Variants in SYNM observed in about 807,000 individuals in gnomAD.
The protein encoded by SYNM is desmuslin.
A neutral mutation model predicts 104.0 loss-of-function variants in SYNM; 95 were observed. The observed-to-expected ratio is 0.91, with a 90% CI of 0.77 to 1.08. The LOEUF is 1.08. Among genes scored for constraint, SYNM ranks in the 50% least tolerant of loss-of-function variants. The pLI, the probability that SYNM is intolerant of heterozygous loss-of-function variation, is 0.00. For synonymous variants in SYNM, 918 were observed against 869.0 expected (o/e 1.06, Z -0.99); for missense variants, 2,150 against 2,052.2 (o/e 1.05, Z -0.92).
chr15:99,125,064 T>G (rs1410993827), intron 2 of SYNM, among the ~76,000 whole-genome samples: 1 of 152,178 alleles, frequency 6.6e-6, no homozygotes, highest in Non-Finnish European at 1.5e-5. Context: ...GGAAGACGTA[T>G]TTTTCCCTGG....
At position 99,130,980 on chromosome 15, in the gene SYNM, C is replaced by T. The variant is rs1567284042; in HGVS notation, c.2620C>T (p.Arg874Ter). ...GCAGGATGAAATCGTGCAGGGGACTCGAAGGAGGACACAGAAGGACGGTGC... is the reference window on the plus strand; with the variant it reads ...GCAGGATGAAATCGTGCAGGGGACTTGAAGGAGGACACAGAAGGACGGTGC... ...SWQDEIVQGT[R>*]RRTQKDGAVG... The change falls in exon 4 of 4, where the codon CGA (arginine) becomes TGA (stop). Residue 874 changes from arginine to a stop codon, truncating the protein, a stop_gained. Coordinates refer to ENST00000336292, the MANE Select transcript of SYNM (RefSeq NM_145728.3). LOFTEE classifies it high-confidence loss of function. 3.7e-6 allele frequency: 6 copies of T among 1,613,538 alleles called. No individual in the cohort carries two copies. Among genetic ancestry groups the T allele is most frequent in the Admixed American group, 1.7e-5 (1 of 59,962 alleles).
intron 1 of SYNM, among the ~76,000 whole-genome samples, chr15:99,111,735 T>A (rs2067301449): frequency 6.8e-6 from 1 of 147,252 alleles, no homozygotes; most frequent in African/African-American, 2.6e-5. Context: ...TATTGGCTGA[T>A]CATGCATTTT....
At position 99,113,728 on chromosome 15, in the gene SYNM, T is replaced by A. The variant is rs782803327; in HGVS notation, c.935+13T>A. 9.9e-6 allele frequency: 16 copies of A among 1,613,154 alleles called. No individual in the cohort carries two copies. The African/African-American group carries it at 2.1e-4, about 22-fold the overall frequency. On this transcript the variant is annotated intron_variant, in intron 2 of 3. Coordinates refer to ENST00000336292, the MANE Select transcript of SYNM (RefSeq NM_145728.3). The stretch of plus-strand genomic sequence containing the variant: ...TGGCGACCTACCGGTAAGGAGACTG[T>A]GCTGAGTTGGCCTTGACGAAGCCAT...
intron 1 of SYNM, among the ~76,000 whole-genome samples, chr15:99,107,932 T>G (rs1567273413): frequency 2.4e-5 from 3 of 125,490 alleles, no homozygotes; most frequent in East Asian, 4.6e-4. Flanking sequence ...ACCTGGTTTT[T>G]TTTTTTGTTT....
downstream of SYNM, chr15:99,139,795 T>C (rs1156924179): frequency 4.8e-6 from 6 of 1,246,346 alleles, no homozygotes; most frequent in Non-Finnish European, 6.3e-6. Context: ...ACACATACTC[T>C]ACTTTTATTA....
downstream of SYNM, chr15:99,137,970 A>G (rs561262654): frequency 1.9e-6 from 3 of 1,612,714 alleles, no homozygotes; most frequent in African/African-American, 2.7e-5. Context: ...CCTAAATGAC[A>G]GTGCCCAGGA....
At chr15:99,119,014 T>C (rs1322162222) in intron 2 of SYNM, among the ~76,000 whole-genome samples, 1 of 152,120 alleles carries the variant, frequency 6.6e-6, no homozygotes, top group African/African-American at 2.4e-5. Context: ...CTGTCAAGAG[T>C]AGCGGCAGTT....
At chr15:99,136,730 C>CTAGA (rs1264692133), downstream of SYNM, 1 of 146,216 alleles carries the variant, frequency 6.8e-6, no homozygotes, top group Non-Finnish European at 1.5e-5. Context: ...CCCATGTCAA[C>CTAGA]TAGATAGGAC....
intron 2 of SYNM, among the ~76,000 whole-genome samples, chr15:99,123,238 GAAC>G (rs1209649994): frequency 1.3e-4 from 19 of 151,964 alleles, no homozygotes; most frequent in Non-Finnish European, 2.5e-4. Flanking sequence ...CCTGACTCCA[GAAC>G]TTTGTCCTGC....
At chr15:99,111,989 C>T (rs1389238638) in intron 1 of SYNM, among the ~76,000 whole-genome samples, 2 of 152,232 alleles carry the variant, frequency 1.3e-5, no homozygotes, top group Non-Finnish European at 2.9e-5. Flanking sequence ...GTGGAGGCTG[C>T]AGTGAGCCGA....
intron 2 of SYNM, among the ~76,000 whole-genome samples, chr15:99,122,846 A>G (rs2067413731): frequency 6.6e-6 from 1 of 152,318 alleles, no homozygotes; most frequent in South Asian, 2.1e-4. Context: ...CTCTACATAA[A>G]TAAATAAATA....
rs372872812 is a variant in SYNM at position 99,130,457 on chromosome 15, C to T, written c.2097C>T (p.Ser699=). ...ESKLTEDVDV[S]DEAGLDYLLS... is the part of the protein sequence containing the mutation. ...AACTGACTGAGGATGTTGATGTTTCCGATGAAGCTGGCCTGGACTACCTTT... is the reference window on the plus strand; with the variant it reads ...AACTGACTGAGGATGTTGATGTTTCTGATGAAGCTGGCCTGGACTACCTTT... Residue 699 remains serine (S), a synonymous_variant, in exon 4 of 4, where the codon TCC becomes TCT. Coordinates refer to ENST00000336292, the MANE Select transcript of SYNM (RefSeq NM_145728.3). 6.0e-5 allele frequency: 97 copies of T among 1,613,772 alleles called. 1 individual carries two copies. In the East Asian group the frequency reaches 8.9e-4, roughly 15 times the overall value.
chr15:99,120,026 G>T (rs1423576658), intron 2 of SYNM, among the ~76,000 whole-genome samples: 1 of 152,210 alleles, frequency 6.6e-6, no homozygotes, highest in South Asian at 2.1e-4. Flanking sequence ...TAAGCGCTTT[G>T]TAGACTGTAT....
intron 3 of SYNM, among the ~76,000 whole-genome samples, chr15:99,127,035 G>A (rs1596132148): frequency 6.6e-6 from 1 of 152,208 alleles, no homozygotes; most frequent in East Asian, 1.9e-4. Context: ...GGATGCAGGA[G>A]CGGAAGGGGC....
rs782078109 is a variant in SYNM at position 99,131,865 on chromosome 15, C to T, written c.3505C>T (p.Arg1169Trp). The change falls in exon 4 of 4, where the codon CGG (arginine) becomes TGG (tryptophan). Residue 1169 changes from arginine to tryptophan, a missense_variant. Arg to Trp is a moderately radical substitution (Grantham distance 101). Coordinates refer to ENST00000336292, the MANE Select transcript of SYNM (RefSeq NM_145728.3). This position sits in a 1 kb window ranked among gnomAD's most constrained non-coding sequence, Gnocchi z 4.3. ...SQAASPTGAS[R>W]SVRHVTLGPG... ...GGCAGCGAGCCCGACCGGAGCCAGC[C>T]GGTCTGTGAGGCATGTCACGCTGGG... 25 of 1,613,956 alleles carry T rather than the reference C, an allele frequency of 1.5e-5. No homozygotes were observed. The highest frequency in any genetic ancestry group is 4.5e-5 in the East Asian group (2 of 44,884).
In SYNM at chr15:99,130,616, C is replaced by G. The variant is rs782328203; in HGVS notation, c.2256C>G (p.Pro752=). 2 of 1,613,370 alleles carry G rather than the reference C, an allele frequency of 1.2e-6. No homozygotes were observed. Among genetic ancestry groups the G allele is most frequent in the African/African-American group, 1.3e-5 (1 of 74,872 alleles). ...KVVNVEIVEE[P]VSYVSGEKPE... ...TCAACGTGGAGATCGTGGAGGAGCC[C>G]GTGAGTTATGTCAGCGGGGAGAAGC... The change falls in exon 4 of 4, where the codon CCC becomes CCG. Residue 752 remains proline, a synonymous_variant. Transcript: ENST00000336292.
intron 2 of SYNM, among the ~76,000 whole-genome samples, chr15:99,118,791 C>G (rs2067373499): frequency 6.6e-6 from 1 of 152,174 alleles, no homozygotes; most frequent in Admixed American, 6.5e-5. Context: ...CAGTGCATGG[C>G]CAGGGAAGCT....
downstream of SYNM, chr15:99,139,773 T>G (rs782106391): frequency 2.3e-6 from 3 of 1,294,262 alleles, no homozygotes; most frequent in Admixed American, 4.8e-5. Flanking sequence ...AATAGTTTTG[T>G]TTTTTTTGTA....
In SYNM at chr15:99,131,114, C is replaced by T. The variant is rs373124723; in HGVS notation, c.2754C>T (p.Ala918=). The change falls in exon 4 of 4, where the codon GCC becomes GCT. Residue 918 remains alanine (A), a synonymous_variant. Transcript: ENST00000336292. The surrounding 1 kb of genome is among the most constrained non-coding windows in gnomAD (Gnocchi z 4.3). ...AAGCTAGAAGCGGTGAATTTCATGC[C>T]GAACCCACAGTCATTGAAAAAGAAA... is the stretch of plus-strand genomic sequence containing the variant. ...KEQARSGEFH[A]EPTVIEKEIK... 8.6e-5 allele frequency: 138 copies of T among 1,601,402 alleles called. No individual in the cohort carries two copies. The highest frequency in any genetic ancestry group is 1.8e-4 in the East Asian group (8 of 44,372).
Sources: allele counts gnomAD v4.1 joint callset (sites outside exome capture counted in the v4.1 genomes callset), GRCh38; gene constraint gnomAD v4.1.1; non-coding constraint Gnocchi (gnomAD v3.1); transcripts MANE v1.5; gene names NCBI Gene and HGNC (gene_info 2026-07-23, HGNC 2026-07-21).